Variants in ATP8A1 observed in about 807,000 individuals in gnomAD.
ATP8A1 encodes ATPase phospholipid transporting 8A1, also known as phospholipid-transporting ATPase IA.
A neutral mutation model predicts 177.7 loss-of-function variants in ATP8A1; 90 were observed. The ratio of observed to expected loss-of-function variants is 0.51; its 90% confidence interval spans 0.43 to 0.60. The LOEUF is 0.60. Ranked by LOEUF, ATP8A1 falls within the 20% of genes least tolerant of loss-of-function variation. ATP8A1 has a pLI of 0.00. For missense variants in ATP8A1, 1,072 were observed against 1,392.8 expected, an observed-to-expected ratio of 0.77 and a Z score of 3.67; for synonymous variants, 493 against 485.9, an observed-to-expected ratio of 1.01 and a Z score of -0.19.
intron 6 of ATP8A1, among the ~76,000 whole-genome samples, chr4:42,595,525 T>C (rs531886601): frequency 1.1e-3 from 164 of 152,190 alleles, no homozygotes; most frequent in African/African-American, 3.8e-3. Flanking sequence ...AAACACCCCC[T>C]ACCTCAAAAA....
At chr4:42,551,891 T>C (rs1234154613) in intron 17 of ATP8A1, among the ~76,000 whole-genome samples, 6 of 152,180 alleles carry the variant, frequency 3.9e-5, no homozygotes. Context: ...TGGCTTAGAA[T>C]GCAGTTTAAA....
At chr4:42,569,706 C>A (rs545059123) in intron 14 of ATP8A1, among the ~76,000 whole-genome samples, 78 of 152,266 alleles carry the variant, frequency 5.1e-4, no homozygotes, top group African/African-American at 1.7e-3. Context: ...AAGTTACCTG[C>A]ATTTCTATAA....
intron 20 of ATP8A1, among the ~76,000 whole-genome samples, chr4:42,535,431 G>A (rs1274621683): frequency 6.6e-6 from 1 of 152,078 alleles, no homozygotes; most frequent in Non-Finnish European, 1.5e-5. Flanking sequence ...AAATATATAT[G>A]CACTTAACAC....
At chr4:42,512,483 C>T in intron 22 of ATP8A1, among the ~76,000 whole-genome samples, 1 of 152,172 alleles carries the variant, frequency 6.6e-6, no homozygotes. Context: ...CAAGCAGGTG[C>T]TTCTGGGCAG....
intron 33 of ATP8A1, among the ~76,000 whole-genome samples, chr4:42,432,576 T>G (rs28497123): frequency 0.054 from 8,185 of 152,280 alleles, 701 homozygotes; most frequent in African/African-American, 0.19. Context: ...CCTTCCAGTC[T>G]GAATTCATTA....
intron 25 of ATP8A1, among the ~76,000 whole-genome samples, chr4:42,466,964 T>C (rs1441043924): frequency 6.6e-6 from 1 of 152,226 alleles, no homozygotes; most frequent in Non-Finnish European, 1.5e-5. Context: ...ATTTGAAAGC[T>C]TTATCAAATT....
intron 1 of ATP8A1, among the ~76,000 whole-genome samples, chr4:42,651,330 G>A (rs1201838295): frequency 6.6e-6 from 1 of 152,166 alleles, no homozygotes; most frequent in Non-Finnish European, 1.5e-5. Context: ...AAATGACTTT[G>A]GAACTGGGTA....
intron 20 of ATP8A1, among the ~76,000 whole-genome samples, chr4:42,539,642 T>C (rs1274874122): frequency 2.0e-5 from 3 of 152,010 alleles, no homozygotes; most frequent in African/African-American, 7.2e-5. Flanking sequence ...AGTCACATAT[T>C]TATAACCAAC....
At position 42,531,774 on chromosome 4, in the gene ATP8A1, T is replaced by C. The variant is rs181970204; in HGVS notation, c.1723-6927A>G. Reference sequence around the variant, plus strand: ...GTAGCACTTCTATATACCAACAATATCTAGATGAGAAAGAAAAAAGCCAAT... The same window carrying C: ...GTAGCACTTCTATATACCAACAATACCTAGATGAGAAAGAAAAAAGCCAAT... On this transcript the variant is annotated intron_variant, in intron 20 of 36. Coordinates refer to ENST00000381668, the MANE Select transcript of ATP8A1 (RefSeq NM_006095.2). Among the ~76,000 whole-genome samples the C allele has an allele frequency of 2.2e-4, 34 of 151,908 alleles. 1 individual carries two copies. Among genetic ancestry groups the C allele is most frequent in the Admixed American group, 1.7e-3 (26 of 15,266 alleles).
chr4:42,424,226 T>G (rs539512046), intron 33 of ATP8A1, among the ~76,000 whole-genome samples: 3 of 152,174 alleles, frequency 2.0e-5, no homozygotes, highest in African/African-American at 7.2e-5. Context: ...CTTTAATAAT[T>G]TCTTTGTAAT....
chr4:42,609,197 G>T (rs1265338658), intron 5 of ATP8A1, among the ~76,000 whole-genome samples: 1 of 152,086 alleles, frequency 6.6e-6, no homozygotes, highest in African/African-American at 2.4e-5. Flanking sequence ...CCCCTCACCA[G>T]CAGTGTCACT....
intron 1 of ATP8A1, among the ~76,000 whole-genome samples, chr4:42,639,870 A>G (rs1006552244): frequency 2.0e-5 from 3 of 152,192 alleles, no homozygotes; most frequent in African/African-American, 7.2e-5. Flanking sequence ...ATTTCAAATA[A>G]CCTACACACA....
At chr4:42,552,032 C>T (rs755234922) in intron 17 of ATP8A1, among the ~76,000 whole-genome samples, 8 of 152,096 alleles carry the variant, frequency 5.3e-5, no homozygotes, top group African/African-American at 1.4e-4. Context: ...CCTTCAAATG[C>T]GTAAAACTTT....
At chr4:42,497,581 A>T (rs753768290) in intron 24 of ATP8A1, among the ~76,000 whole-genome samples, 42 of 152,308 alleles carry the variant, frequency 2.8e-4, no homozygotes, top group Admixed American at 7.8e-4. Context: ...AAACAGACAC[A>T]CTATAAATTT....
intron 1 of ATP8A1, among the ~76,000 whole-genome samples, chr4:42,632,967 AAT>A (rs776856963): frequency 7.2e-5 from 11 of 152,216 alleles, no homozygotes; most frequent in Non-Finnish European, 1.5e-4. Flanking sequence ...AAAAGAAATC[AAT>A]AGTTTTGTTC....
intron 24 of ATP8A1, among the ~76,000 whole-genome samples, chr4:42,489,653 A>G (rs1184693267): frequency 6.6e-6 from 1 of 152,176 alleles, no homozygotes; most frequent in Non-Finnish European, 1.5e-5. Flanking sequence ...GTTACAAGTT[A>G]TATTTTATCC....
At chr4:42,636,467 G>T (rs1307291551) in intron 1 of ATP8A1, among the ~76,000 whole-genome samples, 1 of 152,056 alleles carries the variant, frequency 6.6e-6, no homozygotes, top group Non-Finnish European at 1.5e-5. Flanking sequence ...AATAAACTGG[G>T]TGCTTCAAAG....
At chr4:42,479,996 T>TTGTGTG (rs376966152) in intron 25 of ATP8A1, among the ~76,000 whole-genome samples, 3,988 of 135,574 alleles carry the variant, frequency 0.029, 93 homozygotes, top group African/African-American at 0.043. Flanking sequence ...GCAGTTCTGC[T>TTGTGTG]TGTGTGTGTG....
chr4:42,475,559 C>T (rs1720968973), intron 25 of ATP8A1, among the ~76,000 whole-genome samples: 1 of 149,312 alleles, frequency 6.7e-6, no homozygotes, highest in Non-Finnish European at 1.5e-5. Context: ...TTATATATGA[C>T]AGTATATAAT....
Sources: allele counts gnomAD v4.1 joint callset (sites outside exome capture counted in the v4.1 genomes callset), GRCh38; gene constraint gnomAD v4.1.1; transcripts MANE v1.5; gene names NCBI Gene and HGNC (gene_info 2026-07-23, HGNC 2026-07-21).